The following PCNX1 variants were observed in gnomAD, a reference collection of about 807,000 sequenced individuals.
The protein encoded by PCNX1 is pecanex-like protein 1.
PCNX1 carries 78 observed loss-of-function variants against 242.2 expected under a neutral mutation model. That is an observed-to-expected ratio of 0.32 (90% CI 0.27 to 0.39). The LOEUF is 0.39. Among genes scored for constraint, PCNX1 ranks in the 10% least tolerant of loss-of-function variants. The pLI is 1.00. For missense variants in PCNX1, 2,581 were observed against 2,856.5 expected (o/e 0.90, Z 2.20); for synonymous variants, 1,024 against 1,032.9 (o/e 0.99, Z 0.17).
intron 22 of PCNX1, among the ~76,000 whole-genome samples, chr14:71,050,299 T>C (rs2060989840): frequency 6.6e-6 from 1 of 152,194 alleles, no homozygotes; most frequent in Non-Finnish European, 1.5e-5. Context: ...ATTAGGTATA[T>C]CTCCCAATGT....
At chr14:70,970,222 C>T (rs912758585) in intron 5 of PCNX1, among the ~76,000 whole-genome samples, 10 of 151,744 alleles carry the variant, frequency 6.6e-5, no homozygotes, top group Admixed American at 1.3e-4. Context: ...AAAATTTACC[C>T]GGGCATGATG....
intron 24 of PCNX1, among the ~76,000 whole-genome samples, chr14:71,055,099 A>G (rs377140297): frequency 6.6e-6 from 1 of 152,238 alleles, no homozygotes; most frequent in Non-Finnish European, 1.5e-5. Flanking sequence ...CATTTTGGGA[A>G]CTACTGTTCC....
chr14:71,073,523 A>C, intron 26 of PCNX1, 22 bp from the exon 27 acceptor site: 1 of 1,543,152 alleles, frequency 6.5e-7, no homozygotes, highest in Non-Finnish European at 8.8e-7. Flanking sequence ...CCCCTTTGTA[A>C]AGCTCTCTCT....
chr14:71,097,409 C>T (rs1189507762), intron 30 of PCNX1, among the ~76,000 whole-genome samples: 1 of 152,214 alleles, frequency 6.6e-6, no homozygotes, highest in Non-Finnish European at 1.5e-5. Flanking sequence ...ACTGAACTAA[C>T]TTGCATTTCA....
At position 70,978,029 on chromosome 14, in the gene PCNX1, A is replaced by G; in HGVS notation, c.1692A>G (p.Thr564=). Residue 564 remains threonine (T), a synonymous_variant, in exon 6 of 36, where the codon ACA becomes ACG. Transcript: ENST00000304743. ...CCCACAAGTCAGGCAGGAGACGCAC[A>G]GGAAAAAAACGGGCTAGCAGTTTTG... ...ASAHKSGRRR[T]GKKRASSFDS... The G allele has an allele frequency of 6.2e-7, 1 of 1,614,178 alleles. No individual in the cohort carries two copies. The highest frequency in any genetic ancestry group is 8.5e-7 in the Non-Finnish European group (1 of 1,180,032).
Position 71,101,992 on chromosome 14 carries a change from T to C in PCNX1, c.5592T>C (p.Asp1864=). The change falls in exon 31 of 36, where the codon GAT becomes GAC. Residue 1864 remains aspartate (D), a splice_region_variant and synonymous_variant. Coordinates refer to ENST00000304743, the MANE Select transcript of PCNX1 (RefSeq NM_014982.3). ...GIRMSIKLHQ[D]HFTSPDEYDD... The stretch of plus-strand genomic sequence containing the variant: ...TTATATATTATTTTTGTATTTAGGA[T>C]CATTTTACTTCTCCAGATGAATATG... 6.6e-7 allele frequency: 1 copy of C among 1,524,658 alleles called. No individual in the cohort carries two copies. The highest frequency in any genetic ancestry group is 8.9e-7 in the Non-Finnish European group (1 of 1,120,620). The allele number at this position is 1,524,658 out of a possible 1,614,324, so 94.4% of individuals were successfully genotyped here.
chr14:70,968,187 C>T lies in PCNX1; in HGVS notation c.469-11C>T. 1.2e-6 allele frequency: 2 copies of T among 1,605,588 alleles called. No homozygotes were observed. Among genetic ancestry groups the T allele is most frequent in the South Asian group, 2.2e-5 (2 of 90,860 alleles). On this transcript the variant is annotated splice_polypyrimidine_tract_variant and intron_variant, in intron 3 of 35. Coordinates refer to ENST00000304743, the MANE Select transcript of PCNX1 (RefSeq NM_014982.3). Reference sequence around the variant, plus strand: ...TTAATTAGTTTTATTTACTTCATGTCACGTTTTCAGATTGGATCTGGTTCC... The same window carrying T: ...TTAATTAGTTTTATTTACTTCATGTTACGTTTTCAGATTGGATCTGGTTCC...
intron 1 of PCNX1, among the ~76,000 whole-genome samples, chr14:70,917,539 C>CT (rs1323398797): frequency 6.6e-6 from 1 of 152,132 alleles, no homozygotes; most frequent in African/African-American, 2.4e-5. Context: ...TGAAAGGAAT[C>CT]TTTTTTTCAG....
chr14:70,920,818 T>G (rs2140087366), intron 1 of PCNX1, among the ~76,000 whole-genome samples: 1 of 152,312 alleles, frequency 6.6e-6, no homozygotes, highest in East Asian at 1.9e-4. Flanking sequence ...AGGATGTAAT[T>G]ATTTCCTAGA....
At chr14:70,967,829 T>C (rs947547922) in intron 3 of PCNX1, among the ~76,000 whole-genome samples, 2 of 152,192 alleles carry the variant, frequency 1.3e-5, no homozygotes, top group Admixed American at 1.3e-4. Context: ...TTATTTCAGG[T>C]AGACATAAAG....
At chr14:71,055,200 GTATA>G (rs2061147884) in intron 24 of PCNX1, among the ~76,000 whole-genome samples, 1 of 151,970 alleles carries the variant, frequency 6.6e-6, no homozygotes. Context: ...ACCATATACA[GTATA>G]CATTTTTTTC....
chr14:71,094,607 G>A (rs1595492099), intron 30 of PCNX1, among the ~76,000 whole-genome samples: 3 of 151,594 alleles, frequency 2.0e-5, no homozygotes, highest in South Asian at 2.1e-4. Context: ...CAACCTTATG[G>A]ATTACATGTG....
intron 26 of PCNX1, among the ~76,000 whole-genome samples, chr14:71,066,168 A>C (rs1377451207): frequency 6.6e-6 from 1 of 152,188 alleles, no homozygotes; most frequent in African/African-American, 2.4e-5. Flanking sequence ...TGGCAGCTTG[A>C]TGGGGATAGC....
At chr14:71,083,517 G>A (rs2061907890) in intron 28 of PCNX1, among the ~76,000 whole-genome samples, 1 of 152,032 alleles carries the variant, frequency 6.6e-6, no homozygotes, top group African/African-American at 2.4e-5. Context: ...TTTTCACATA[G>A]TCCCATATTT....
intron 28 of PCNX1, among the ~76,000 whole-genome samples, chr14:71,086,175 A>T (rs1595472174): frequency 6.6e-6 from 1 of 152,186 alleles, no homozygotes; most frequent in African/African-American, 2.4e-5. Context: ...GGTCTTTTCT[A>T]CAAATCTTCC....
rs183149736 is a variant in PCNX1, at chr14:70,967,047, G to A, written c.469-1151G>A. Among the ~76,000 whole-genome samples, 4 of 152,240 alleles carry A rather than the reference G, an allele frequency of 2.6e-5. No homozygotes were observed. In the East Asian group the frequency reaches 7.7e-4, roughly 29 times the overall value. On this transcript the variant is annotated intron_variant, in intron 3 of 35. Transcript: ENST00000304743. The stretch of plus-strand genomic sequence containing the variant: ...AGCTTTTTTTTATTGGCTACCTCAA[G>A]AGTTTATTTGTAGTTTCAACAGATA...
intron 2 of PCNX1, among the ~76,000 whole-genome samples, chr14:70,948,615 G>A (rs1458443846): frequency 6.7e-6 from 1 of 150,012 alleles, no homozygotes; most frequent in African/African-American, 2.4e-5. Context: ...ATATAGATGT[G>A]TATATATACA....
chr14:71,011,498 A>G lies in PCNX1; in HGVS notation c.2727A>G (p.Thr909=). The G allele has an allele frequency of 6.4e-7, 1 of 1,554,576 alleles. No homozygotes were observed. The highest frequency in any genetic ancestry group is 8.9e-7 in the Non-Finnish European group (1 of 1,128,350). The change falls in exon 10 of 36, where the codon ACA becomes ACG. Residue 909 remains threonine, a synonymous_variant. Coordinates refer to ENST00000304743, the MANE Select transcript of PCNX1 (RefSeq NM_014982.3). ...ATTTTTTATTTTATTTTAGTGACAC[A>G]GATTCTCATGTATCCAGTTCTACCT... ...AARRASNICD[T]DSHVSSSTSV...
chr14:70,910,453 C>T (rs1407595011), intron 1 of PCNX1, among the ~76,000 whole-genome samples: 1 of 151,856 alleles, frequency 6.6e-6, no homozygotes, highest in East Asian at 2.0e-4. Flanking sequence ...ACACATTTGC[C>T]GCCTTACTCT....
Sources: gnomAD v4.1 joint callset for allele counts (sites outside exome capture counted in the v4.1 genomes callset) on GRCh38, gnomAD v4.1.1 for gene constraint, MANE v1.5 for transcripts, NCBI Gene and HGNC (gene_info 2026-07-23, HGNC 2026-07-21) for gene names.